Variants in ELMO1 observed in about 807,000 individuals in gnomAD.
The protein encoded by ELMO1 is engulfment and cell motility protein 1.
A neutral mutation model predicts 98.9 loss-of-function variants in ELMO1; 26 were observed. The ratio of observed to expected loss-of-function variants is 0.26; its 90% CI spans 0.19 to 0.36. The LOEUF is 0.36. ELMO1 is among the 10% of genes least tolerant of loss of function. ELMO1 has a pLI of 1.00. For missense variants in ELMO1, 627 were observed against 935.2 expected (o/e 0.67, Z 4.30); for synonymous variants, 346 against 346.0 (o/e 1.00, Z 0.00).
chr7:37,060,480 G>A (rs1796609641), intron 15 of ELMO1, among the ~76,000 whole-genome samples: 1 of 152,142 alleles, frequency 6.6e-6, no homozygotes, highest in South Asian at 2.1e-4. Flanking sequence ...ACACAAAGAG[G>A]AGAATAACAG....
intron 13 of ELMO1, among the ~76,000 whole-genome samples, chr7:37,191,560 T>TA (rs199737723): frequency 0.011 from 1,673 of 152,192 alleles, 23 homozygotes; most frequent in South Asian, 0.033. Flanking sequence ...CCCCTTCTTG[T>TA]AAAAAAAATC....
At chr7:37,092,670 C>T (rs1440002777) in intron 15 of ELMO1, among the ~76,000 whole-genome samples, 3 of 152,082 alleles carry the variant, frequency 2.0e-5, no homozygotes, top group Non-Finnish European at 2.9e-5. Context: ...CCAACACATC[C>T]GGCCCTAAAA....
At chr7:37,197,825 G>C (rs1266121022) in intron 13 of ELMO1, among the ~76,000 whole-genome samples, 1 of 152,146 alleles carries the variant, frequency 6.6e-6, no homozygotes, top group Non-Finnish European at 1.5e-5. Flanking sequence ...GGTGCTGGAT[G>C]CCTATAACTA....
chr7:37,354,062 A>G (rs1801396213), intron 1 of ELMO1, among the ~76,000 whole-genome samples: 1 of 152,200 alleles, frequency 6.6e-6, no homozygotes, highest in South Asian at 2.1e-4. Context: ...GCTAGAAGTA[A>G]CTGCCCTGAA....
At chr7:37,037,191 ATATGCCCT>A (rs1386256000) in intron 15 of ELMO1, among the ~76,000 whole-genome samples, 1 of 152,208 alleles carries the variant, frequency 6.6e-6, no homozygotes, top group Non-Finnish European at 1.5e-5. Context: ...AAAGACTAGA[ATATGCCCT>A]TTAATGTTTT....
intron 16 of ELMO1, among the ~76,000 whole-genome samples, chr7:36,926,307 C>T (rs1785566424): frequency 6.6e-6 from 1 of 152,230 alleles, no homozygotes; most frequent in Non-Finnish European, 1.5e-5. Context: ...TGGAGTGACT[C>T]ACTCAAGATC....
chr7:37,096,955 C>T (rs1025475664), intron 14 of ELMO1, among the ~76,000 whole-genome samples: 4 of 152,132 alleles, frequency 2.6e-5, no homozygotes, highest in Non-Finnish European at 4.4e-5. Flanking sequence ...GGATATTTTG[C>T]TTGTTCGTTC....
intron 13 of ELMO1, among the ~76,000 whole-genome samples, chr7:37,204,789 T>C (rs6958167): frequency 6.6e-6 from 1 of 152,204 alleles, no homozygotes; most frequent in African/African-American, 2.4e-5. Context: ...TACAATCCTT[T>C]AGCTAGAAAG....
intron 1 of ELMO1, among the ~76,000 whole-genome samples, chr7:37,437,979 C>CAAAAAAAAAAAAAAAAAA (rs57418239): frequency 2.8e-4 from 5 of 18,056 alleles, no homozygotes; most frequent in African/African-American, 6.0e-4. Flanking sequence ...GACTCCGTCT[C>CAAAAAAAAAAAAAAAAAA]AAAAAAAAAA....
chr7:37,242,729 G>T (rs887434278), intron 7 of ELMO1, among the ~76,000 whole-genome samples: 6 of 152,202 alleles, frequency 3.9e-5, no homozygotes, highest in African/African-American at 7.2e-5. Context: ...CTGCGACAGG[G>T]TTTACATGTG....
intron 15 of ELMO1, among the ~76,000 whole-genome samples, chr7:37,045,475 A>C (rs552332578): frequency 6.6e-6 from 1 of 152,228 alleles, no homozygotes; most frequent in Admixed American, 6.5e-5. Flanking sequence ...ATTTTAAAAA[A>C]CTTCTCTTTT....
intron 14 of ELMO1, among the ~76,000 whole-genome samples, chr7:37,107,979 A>C (rs974121855): frequency 2.0e-5 from 3 of 152,204 alleles, no homozygotes; most frequent in African/African-American, 7.2e-5. Context: ...TTCTGGACAA[A>C]TAATAAATTG....
At chr7:37,244,801 A>C (rs1794915460) in intron 6 of ELMO1, among the ~76,000 whole-genome samples, 1 of 152,152 alleles carries the variant, frequency 6.6e-6, no homozygotes, top group Non-Finnish European at 1.5e-5. Flanking sequence ...TCTTTGGTAG[A>C]ATGTCCACTA....
chr7:37,219,753 C>T (rs1300164380), intron 10 of ELMO1, among the ~76,000 whole-genome samples: 1 of 152,174 alleles, frequency 6.6e-6, no homozygotes, highest in African/African-American at 2.4e-5. Flanking sequence ...TCTTTACTCC[C>T]TTTGAGGCTC....
At chr7:36,908,087 C>G (rs77656136) in intron 16 of ELMO1, among the ~76,000 whole-genome samples, 5,512 of 152,278 alleles carry the variant, frequency 0.036, 146 homozygotes, top group Non-Finnish European at 0.057. Context: ...TTTGACCCAA[C>G]AGCTAAACAG....
intron 6 of ELMO1, among the ~76,000 whole-genome samples, chr7:37,247,543 T>G (rs1795078439): frequency 6.6e-6 from 1 of 152,186 alleles, no homozygotes; most frequent in African/African-American, 2.4e-5. Flanking sequence ...TATAATCAAT[T>G]TTCACATCTG....
At chr7:36,961,873 G>A (rs75852315) in intron 16 of ELMO1, among the ~76,000 whole-genome samples, 3,971 of 152,218 alleles carry the variant, frequency 0.026, 169 homozygotes, top group African/African-American at 0.091. Flanking sequence ...AAATAGTATT[G>A]TCCCAGAGCA....
intron 16 of ELMO1, among the ~76,000 whole-genome samples, chr7:36,961,653 T>A (rs1365383876): frequency 6.6e-6 from 1 of 152,266 alleles, no homozygotes; most frequent in Non-Finnish European, 1.5e-5. Flanking sequence ...TCTTAATGGT[T>A]TGATATTTAT....
chr7:37,283,051 TGC>T (rs1584915122), intron 4 of ELMO1, among the ~76,000 whole-genome samples: 2 of 152,334 alleles, frequency 1.3e-5, no homozygotes, highest in East Asian at 3.9e-4. Flanking sequence ...ATAAATGGTT[TGC>T]TCTCTCTGTA....
Sources: allele counts gnomAD v4.1 joint callset (sites outside exome capture counted in the v4.1 genomes callset), GRCh38; gene constraint gnomAD v4.1.1; transcripts MANE v1.5; gene names NCBI Gene and HGNC (gene_info 2026-07-23, HGNC 2026-07-21).